Variants in ENOX1 observed in about 807,000 individuals in gnomAD.
ENOX1 encodes ecto-NOX disulfide-thiol exchanger 1.
ENOX1 carries 42 observed loss-of-function variants against 82.5 expected under a neutral mutation model. The observed-to-expected ratio is 0.51, with a 90% CI of 0.40 to 0.66. The LOEUF (loss-of-function observed/expected upper bound fraction) is 0.66. ENOX1 is among the 30% of genes least tolerant of loss of function. The pLI is 0.00. For missense variants in ENOX1, 608 were observed against 811.6 expected (o/e 0.75, Z 3.05); for synonymous variants, 271 against 282.2 (o/e 0.96, Z 0.40).
At chr13:43,352,732 C>T (rs543998336) in intron 8 of ENOX1, among the ~76,000 whole-genome samples, 1 of 152,266 alleles carries the variant, frequency 6.6e-6, no homozygotes, top group South Asian at 2.1e-4. Flanking sequence ...CTCCATGTCT[C>T]AGGCACTACA....
intron 11 of ENOX1, among the ~76,000 whole-genome samples, chr13:43,312,960 C>T (rs1204090017): frequency 1.3e-5 from 2 of 152,198 alleles, no homozygotes; most frequent in Non-Finnish European, 2.9e-5. Flanking sequence ...CTCTAAAAGG[C>T]ATTATGGCAC....
chr13:43,673,924 C>T (rs905744116), intron 1 of ENOX1, among the ~76,000 whole-genome samples: 15 of 152,154 alleles, frequency 9.9e-5, no homozygotes, highest in Middle Eastern at 3.2e-3. Context: ...TCTCTTGCCG[C>T]GTGACTGATT....
intron 2 of ENOX1, among the ~76,000 whole-genome samples, chr13:43,601,141 A>G (rs769338371): frequency 1.3e-5 from 2 of 152,154 alleles, no homozygotes; most frequent in Non-Finnish European, 2.9e-5. Context: ...AATACCCACA[A>G]GCATTAAGAC....
chr13:43,219,882 G>A (rs2153450100), intron 16 of ENOX1, among the ~76,000 whole-genome samples: 1 of 152,372 alleles, frequency 6.6e-6, no homozygotes, highest in Non-Finnish European at 1.5e-5. Context: ...GACGCCGGCA[G>A]AGGCCGGAGC....
At position 43,489,060 on chromosome 13, in the gene ENOX1, T is replaced by C. The variant is rs966657883; in HGVS notation, c.-218-4908A>G. On this transcript the variant is annotated intron_variant, in intron 2 of 16. Coordinates refer to ENST00000690772, the MANE Select transcript of ENOX1 (RefSeq NM_001347969.2). ...AACCAAGTGCATGACCAAGTGACTG[T>C]TTGGTAAGGAGATTAGTATGGATAG... Among the ~76,000 whole-genome samples the C allele has an allele frequency of 2.9e-5, 4 of 138,618 alleles. No homozygotes were observed. The South Asian group carries it at 8.6e-4, about 30-fold the overall frequency. The allele number at this position is 138,618 out of a possible 152,430, so 90.9% of individuals were successfully genotyped here. A position where few individuals can be genotyped will look rare whatever the true frequency, so the allele number is the denominator to read the frequency against.
chr13:43,541,197 T>TTTTTTTTTTTTTTTTTCTTTTTTTTTC (rs2078708562), intron 2 of ENOX1, among the ~76,000 whole-genome samples: 1 of 84,332 alleles, frequency 1.2e-5, no homozygotes, highest in Non-Finnish European at 2.5e-5. Flanking sequence ...TTTTTTTTTT[T>TTTTTTTTTTTTTTTTTCTTTTTTTTTC]TGCTAAAAAT....
At chr13:43,623,649 G>A (rs1421823337) in intron 2 of ENOX1, among the ~76,000 whole-genome samples, 1 of 152,074 alleles carries the variant, frequency 6.6e-6, no homozygotes, top group Non-Finnish European at 1.5e-5. Flanking sequence ...TGGGATGGCT[G>A]GTTTGCTCTT....
chr13:43,626,607 C>T (rs1051067396), intron 2 of ENOX1, among the ~76,000 whole-genome samples: 1 of 151,774 alleles, frequency 6.6e-6, no homozygotes, highest in Non-Finnish European at 1.5e-5. Context: ...AAATTGTCCT[C>T]TTATATTTCT....
chr13:43,651,695 T>TAAAAAAAAA (rs57810969), intron 2 of ENOX1, among the ~76,000 whole-genome samples: 1 of 96,976 alleles, frequency 1.0e-5, no homozygotes, highest in African/African-American at 3.5e-5. Flanking sequence ...AGACTCTGTC[T>TAAAAAAAAA]AAAAAAAAAA....
chr13:43,419,049 G>A (rs1467112374), intron 3 of ENOX1, among the ~76,000 whole-genome samples: 2 of 151,934 alleles, frequency 1.3e-5, no homozygotes, highest in Non-Finnish European at 2.9e-5. Flanking sequence ...ATGGTGGCGG[G>A]TGCCTGTAGT....
intron 5 of ENOX1, among the ~76,000 whole-genome samples, chr13:43,403,360 CTA>C (rs2053604674): frequency 6.6e-6 from 1 of 152,114 alleles, no homozygotes; most frequent in South Asian, 2.1e-4. Flanking sequence ...AGAAAAGTGA[CTA>C]TATTATATTA....
At chr13:43,285,821 A>C (rs2045665594) in intron 12 of ENOX1, among the ~76,000 whole-genome samples, 1 of 151,272 alleles carries the variant, frequency 6.6e-6, no homozygotes, top group Non-Finnish European at 1.5e-5. Context: ...AAAAAAAAAA[A>C]AAAAAAAAAA....
At chr13:43,303,499 T>C (rs532053211) in intron 11 of ENOX1, among the ~76,000 whole-genome samples, 1 of 152,160 alleles carries the variant, frequency 6.6e-6, no homozygotes, top group South Asian at 2.1e-4. Flanking sequence ...CCCTAGAGGG[T>C]GCCATGTGAG....
At chr13:43,362,313 C>T (rs1038133522) in intron 5 of ENOX1, among the ~76,000 whole-genome samples, 1 of 151,696 alleles carries the variant, frequency 6.6e-6, no homozygotes, top group Non-Finnish European at 1.5e-5. Flanking sequence ...TTTCTAACAG[C>T]AGGGGCTATG....
At chr13:43,382,188 G>C (rs189135520) in intron 5 of ENOX1, among the ~76,000 whole-genome samples, 25 of 152,120 alleles carry the variant, frequency 1.6e-4, no homozygotes, top group African/African-American at 5.8e-4. Context: ...AGAGATACAA[G>C]GTTGGTTTAA....
At chr13:43,406,676 G>A (rs2053819366) in intron 5 of ENOX1, among the ~76,000 whole-genome samples, 1 of 151,922 alleles carries the variant, frequency 6.6e-6, no homozygotes, top group African/African-American at 2.4e-5. Context: ...TGTATTTTTA[G>A]TAGAGATGGG....
At chr13:43,513,646 GT>G (rs984175940) in intron 2 of ENOX1, among the ~76,000 whole-genome samples, 1 of 151,938 alleles carries the variant, frequency 6.6e-6, no homozygotes, top group African/African-American at 2.4e-5. Flanking sequence ...GAAATTTTTA[GT>G]TTTTTTATTA....
At chr13:43,666,045 ATACTC>A (rs1248038379) in intron 2 of ENOX1, among the ~76,000 whole-genome samples, 1 of 151,712 alleles carries the variant, frequency 6.6e-6, no homozygotes, top group African/African-American at 2.4e-5. Flanking sequence ...ACACTATACT[ATACTC>A]TATTAATTGT....
chr13:43,338,000 A>G (rs1448966269), intron 9 of ENOX1, among the ~76,000 whole-genome samples: 1 of 152,114 alleles, frequency 6.6e-6, no homozygotes, highest in Non-Finnish European at 1.5e-5. Flanking sequence ...ATGTTAATCA[A>G]CCCTTCTGCA....
Sources: allele counts gnomAD v4.1 joint callset (sites outside exome capture counted in the v4.1 genomes callset), GRCh38; gene constraint gnomAD v4.1.1; transcripts MANE v1.5; gene names NCBI Gene and HGNC (gene_info 2026-07-23, HGNC 2026-07-21).